Variants in TERF2 observed in about 807,000 individuals in gnomAD.
TERF2 encodes the protein telomeric repeat-binding factor 2.
Under a neutral mutation model 56.1 loss-of-function variants are expected in TERF2, and 16 were observed. That is an observed-to-expected ratio of 0.29 (90% CI 0.19 to 0.43). TERF2 has a LOEUF of 0.43. TERF2 is among the 20% of genes least tolerant of loss of function. The pLI is 1.00. For synonymous variants in TERF2, 296 were observed against 282.1 expected, an observed-to-expected ratio of 1.05 and a Z score of -0.50; for missense variants, 547 against 712.9, an observed-to-expected ratio of 0.77 and a Z score of 2.65.
At chr16:69,379,921 T>C (rs1276194846) in intron 3 of TERF2, among the ~76,000 whole-genome samples, 1 of 150,898 alleles carries the variant, frequency 6.6e-6, no homozygotes, top group South Asian at 2.1e-4. Flanking sequence ...TAGAGTGGGG[T>C]TTTTTTTTGA....
At chr16:69,374,388 G>A (rs2013690811) in intron 3 of TERF2, among the ~76,000 whole-genome samples, 1 of 151,844 alleles carries the variant, frequency 6.6e-6, no homozygotes, top group Admixed American at 6.6e-5. Context: ...CCAGTGCTTT[G>A]GGAAACTGAG....
At chr16:69,360,687 G>A (rs1390952971) in intron 8 of TERF2, among the ~76,000 whole-genome samples, 3 of 130,666 alleles carry the variant, frequency 2.3e-5, no homozygotes, top group Non-Finnish European at 4.7e-5. Context: ...CACCTTGGAT[G>A]AGAGTGAGAC....
At position 69,385,784 on chromosome 16, in the gene TERF2, C is replaced by A. The variant is rs1410828727; in HGVS notation, c.188G>T (p.Arg63Leu). The change falls in exon 1 of 10, where the codon CGC (arginine) becomes CTC (leucine). Residue 63 changes from arginine (R) to leucine (L), a missense_variant. By Grantham distance (102) the Arg-to-Leu change is moderately radical. This residue lies in a region of TERF2 where 120 missense variants were observed against 172.4 expected (regional missense o/e 0.70). Transcript: ENST00000254942. ...SGRAAGRRASRSSGRARRGRH... is the reference protein window; with the variant it reads ...SGRAAGRRASLSSGRARRGRH... ...CCCCCGCCGGGCCCGCCCGCTACTG[C>A]GGGACGCCCGCCTGCCAGCTGCCCG... is the stretch of plus-strand genomic sequence containing the variant. 7 of 1,297,546 alleles carry A rather than the reference C, an allele frequency of 5.4e-6. No homozygotes were observed. Among genetic ancestry groups the A allele is most frequent in the Non-Finnish European group, 4.9e-6 (5 of 1,024,504 alleles). 80.4% of individuals were successfully genotyped at this position (1,297,546 alleles called of 1,614,324 possible).
Position 69,370,558 on chromosome 16 carries a change from T to G in TERF2, c.765A>C (p.Ser255=), listed in dbSNP as rs552295163. The G allele has an allele frequency of 9.9e-6, 16 of 1,614,212 alleles. No homozygotes were observed. In the South Asian group the frequency reaches 1.6e-4, roughly 17 times the overall value. ...NLAHPVIQNF[S]YETFQQKMLR... ...GCATCTTCTGCTGGAAGGTCTCATATGAAAAGTTCTGGATAACAGGATGGG... is the reference window on the plus strand; with the variant it reads ...GCATCTTCTGCTGGAAGGTCTCATAGGAAAAGTTCTGGATAACAGGATGGG... The change falls in exon 5 of 10, where the codon TCA becomes TCC. Residue 255 remains serine (S), a synonymous_variant. Coordinates refer to ENST00000254942, the MANE Select transcript of TERF2 (RefSeq NM_005652.5).
Position 69,385,963 on chromosome 16 carries a change from C to T in TERF2, c.9G>A (p.Ala3=). 7.4e-7 allele frequency: 1 copy of T among 1,357,172 alleles called. No individual in the cohort carries two copies. Among genetic ancestry groups the T allele is most frequent in the Non-Finnish European group, 9.5e-7 (1 of 1,055,066 alleles). 84.1% of individuals were successfully genotyped at this position (1,357,172 alleles called of 1,614,324 possible). A position where few individuals can be genotyped will look rare whatever the true frequency, so the allele number is the denominator to read the frequency against. ...AAGCGGGGCCCGCCGTCCCGGCTCC[C>T]GCGGCCATGATAGAAACAGCGTTCC... MA[A]GAGTAGPASG... is the part of the protein sequence containing the mutation. The change falls in exon 1 of 10, where the codon GCG becomes GCA. Residue 3 remains alanine, a synonymous_variant. Coordinates refer to ENST00000254942, the MANE Select transcript of TERF2 (RefSeq NM_005652.5).
intron 3 of TERF2, among the ~76,000 whole-genome samples, chr16:69,375,412 A>C (rs2013741770): frequency 6.6e-6 from 1 of 152,182 alleles, no homozygotes; most frequent in South Asian, 2.1e-4. Context: ...GCTTTTTAAA[A>C]AATAGGCTAG....
intron 3 of TERF2, among the ~76,000 whole-genome samples, chr16:69,381,084 C>T (rs1410699328): frequency 2.6e-5 from 4 of 152,042 alleles, no homozygotes; most frequent in Non-Finnish European, 5.9e-5. Context: ...GGATTACAGG[C>T]GTGAGCCACC....
rs536349844 is a variant in TERF2 at position 69,368,680 on chromosome 16, T to G, written c.841-198A>C. 1.1e-5 allele frequency: 15 copies of G among 1,392,164 alleles called. No homozygotes were observed. In the East Asian group the frequency reaches 4.3e-4, roughly 40 times the overall value. 86.2% of individuals were successfully genotyped at this position (1,392,164 alleles called of 1,614,324 possible). A position where few individuals can be genotyped will look rare whatever the true frequency, so the allele number is the denominator to read the frequency against. ...TTTTTTTATTCAAACTTAAGATAAC[T>G]AATACATTTTTTTTGAGAGGGAGTC... On this transcript the variant is annotated intron_variant, in intron 5 of 9. Coordinates refer to ENST00000254942, the MANE Select transcript of TERF2 (RefSeq NM_005652.5).
Position 69,366,885 on chromosome 16 carries a change from G to C in TERF2, c.1262C>G (p.Ser421Cys). ...QSTEPSAGLN[S>C]SQEAASAPPS... Reference sequence around the variant, plus strand: ...TGGCGCTGAAGCGGCCTCCTGGGAGGAGTTGAGGCCTGCGCTGGGCTCAGT... The same window carrying C: ...TGGCGCTGAAGCGGCCTCCTGGGAGCAGTTGAGGCCTGCGCTGGGCTCAGT... The change falls in exon 7 of 10, where the codon TCC (serine) becomes TGC (cysteine). Residue 421 changes from serine (S) to cysteine (C), a missense_variant. This residue lies in a region of TERF2 where 211 missense variants were observed against 236.8 expected (regional missense o/e 0.89). Transcript: ENST00000254942. 6.2e-7 allele frequency: 1 copy of C among 1,614,248 alleles called. No homozygotes were observed. Among genetic ancestry groups the C allele is most frequent in the Non-Finnish European group, 8.5e-7 (1 of 1,180,046 alleles).
rs766049920 is a variant in TERF2, at chr16:69,356,860, C to A, written c.*38G>T. On this transcript the variant is annotated 3_prime_UTR_variant, in exon 10 of 10. Transcript: ENST00000254942. ...GACTATCAGGGGCTATTATTAGGAA[C>A]CATGCTCCTGTGAATTCTGTGGAAA... 1.9e-6 allele frequency: 3 copies of A among 1,572,064 alleles called. No homozygotes were observed. In the South Asian group the frequency reaches 3.6e-5, roughly 19 times the overall value.
chr16:69,362,116 T>G (rs2013167617), intron 7 of TERF2, among the ~76,000 whole-genome samples: 1 of 151,606 alleles, frequency 6.6e-6, no homozygotes, highest in South Asian at 2.1e-4. Context: ...GTCTGGCCCG[T>G]CAGTTTCTAA....
chr16:69,384,289 T>C (rs1323451672), intron 3 of TERF2, among the ~76,000 whole-genome samples: 7 of 152,154 alleles, frequency 4.6e-5, no homozygotes. Flanking sequence ...CTTAAGGCCC[T>C]TGTAGAGTGC....
At chr16:69,369,058 T>G (rs2013464857) in intron 5 of TERF2, among the ~76,000 whole-genome samples, 1 of 83,508 alleles carries the variant, frequency 1.2e-5, no homozygotes, top group African/African-American at 6.0e-5. Context: ...TATTAACAAC[T>G]GTTTGAGAAT....
At chr16:69,362,663 T>C (rs1733046678) in intron 7 of TERF2, among the ~76,000 whole-genome samples, 1 of 152,134 alleles carries the variant, frequency 6.6e-6, no homozygotes, top group Non-Finnish European at 1.5e-5. Context: ...AACCCCAAAC[T>C]CAAATTATTC....
At chr16:69,374,964 C>T (rs2013722735) in intron 3 of TERF2, among the ~76,000 whole-genome samples, 1 of 151,864 alleles carries the variant, frequency 6.6e-6, no homozygotes, top group Non-Finnish European at 1.5e-5. Flanking sequence ...GACTCCGTCT[C>T]AAAAAACAAG....
chr16:69,377,568 C>T lies in TERF2; in HGVS notation c.607-5213G>A, dbSNP rs138435220. On this transcript the variant is annotated intron_variant, in intron 3 of 9. Transcript: ENST00000254942. ...GTCTCGATCTCTTGACCTCATAATC[C>T]GCCTGCCTCAGCCTCCCAAAGTGCT... 3.6e-4 allele frequency among the ~76,000 whole-genome samples: 55 copies of T among 152,252 alleles called. 1 individual carries two copies. The East Asian group carries it at 0.01, about 28-fold the overall frequency.
intron 5 of TERF2, chr16:69,368,745 C>T (rs990226680): frequency 2.6e-5 from 18 of 699,038 alleles, no homozygotes; most frequent in East Asian, 1.4e-4. Flanking sequence ...GGTGCAATCT[C>T]GGCTCACTGC....
At chr16:69,369,107 T>C (rs1467609376) in intron 5 of TERF2, among the ~76,000 whole-genome samples, 1 of 152,008 alleles carries the variant, frequency 6.6e-6, no homozygotes, top group Non-Finnish European at 1.5e-5. Flanking sequence ...AGTAGGCTAA[T>C]CAGGGCTCTT....
At chr16:69,370,929 T>A (rs2013547282) in intron 4 of TERF2, among the ~76,000 whole-genome samples, 1 of 152,134 alleles carries the variant, frequency 6.6e-6, no homozygotes, top group Non-Finnish European at 1.5e-5. Flanking sequence ...CACATTAGTG[T>A]GTAGGATATG....
Sources: gnomAD v4.1 joint callset for allele counts (sites outside exome capture counted in the v4.1 genomes callset) on GRCh38, gnomAD v4.1.1 for gene constraint, gnomAD v4.1.1 regional missense constraint, MANE v1.5 for transcripts, NCBI Gene and HGNC (gene_info 2026-07-23, HGNC 2026-07-21) for gene names.